OTOF: variants seen among roughly 807,000 people sequenced by gnomAD.
OTOF encodes otoferlin.
In OTOF, 218 loss-of-function variants were observed where a neutral mutation model predicts 236.8. The ratio of observed to expected loss-of-function variants is 0.92; its 90% CI spans 0.82 to 1.03. The LOEUF (loss-of-function observed/expected upper bound fraction) is 1.03. OTOF is among the 50% of genes least tolerant of loss of function. OTOF has a pLI of 0.00. For synonymous variants in OTOF, 1,041 were observed against 1,072.5 expected (o/e 0.97, Z 0.57); for missense variants, 2,590 against 2,694.4 (o/e 0.96, Z 0.86).
intron 23 of OTOF, 45 bp from the exon 24 acceptor site, chr2:26,476,083 C>T (rs374888250): frequency 2.3e-5 from 37 of 1,611,578 alleles, no homozygotes; most frequent in African/African-American, 2.1e-4. Flanking sequence ...GCAGCCCCTC[C>T]GGCCCCCTCC....
chr2:26,497,089 CTTTTTTTTTTTTTTTTT>C (rs201349303), intron 8 of OTOF, among the ~76,000 whole-genome samples: 8 of 97,772 alleles, frequency 8.2e-5, no homozygotes, highest in Admixed American at 2.9e-4. Flanking sequence ...GTACATTCTT[CTTTTTTTTTTTTTTTTT>C]TTTTTTTTTT....
chr2:26,514,090 C>T (rs56342346), intron 5 of OTOF, among the ~76,000 whole-genome samples: 13,052 of 152,310 alleles, frequency 0.086, 1,273 homozygotes, highest in African/African-American at 0.24. Context: ...TTTTTCTCAA[C>T]CCCTCTTTTC....
chr2:26,461,652 C>T lies in OTOF; in HGVS notation c.5533+44G>A. 6.2e-7 allele frequency: 1 copy of T among 1,611,258 alleles called. No individual in the cohort carries two copies. The highest frequency in any genetic ancestry group is 8.5e-7 in the Non-Finnish European group (1 of 1,179,908). ...CCCGCCAACCCGGCCCCTGCCTCTTCTCAGTTCTGGATCCTGAACCCCCAT... is the reference window on the plus strand; with the variant it reads ...CCCGCCAACCCGGCCCCTGCCTCTTTTCAGTTCTGGATCCTGAACCCCCAT... On this transcript the variant is annotated intron_variant, in intron 43 of 46. Transcript: ENST00000272371. The surrounding 1 kb of genome is among the most constrained non-coding windows in gnomAD (Gnocchi z 6.2).
rs773331735 is a variant in OTOF, at chr2:26,479,585, C to T, written c.1981G>A (p.Asp661Asn). 3.1e-6 allele frequency: 5 copies of T among 1,612,714 alleles called. No individual in the cohort carries two copies. Among genetic ancestry groups the T allele is most frequent in the East Asian group, 4.5e-5 (2 of 44,850 alleles). ...QRPRPRKEPG[D>N]EEEVDLIQNA... ...TGAATCAGGTCTACTTCTTCCTCAT[C>T]CCCCGGCTCCTTCCGGGGCCGAGGC... The change falls in exon 17 of 47, where the codon GAT becomes AAT. Residue 661 changes from aspartate to asparagine, a missense_variant. Asp to Asn is a conservative substitution (Grantham distance 23). Around this residue, in one of 2 missense-constraint regions of OTOF, gnomAD observed 1,379 missense variants for 1,341.6 expected, o/e 1.03. Transcript: ENST00000272371.
rs543474263 is a variant in OTOF, at chr2:26,555,556, G to C, written c.79+2937C>G. 9.2e-5 allele frequency among the ~76,000 whole-genome samples: 14 copies of C among 152,340 alleles called. No individual in the cohort carries two copies. In the South Asian group the frequency reaches 2.9e-3, roughly 32 times the overall value. On this transcript the variant is annotated intron_variant, in intron 1 of 46. Coordinates refer to ENST00000272371, the MANE Select transcript of OTOF (RefSeq NM_194248.3). ...CGAGGGGCCGACTGGCCTGAGGGCA[G>C]TGGGAAAAGAGGTGGCCACGGGCAA...
intron 38 of OTOF, among the ~76,000 whole-genome samples, chr2:26,465,296 G>A (rs931536082): frequency 2.6e-5 from 4 of 152,134 alleles, no homozygotes; most frequent in African/African-American, 9.7e-5. Context: ...TGGAACCTCA[G>A]AGACTCCCAT....
intron 1 of OTOF, among the ~76,000 whole-genome samples, chr2:26,550,194 G>A (rs766894647): frequency 4.6e-5 from 7 of 151,992 alleles, no homozygotes; most frequent in Non-Finnish European, 8.8e-5. Flanking sequence ...AAATAGAAAC[G>A]AGGACTGTTG....
At chr2:26,544,556 A>G (rs146137880) in intron 1 of OTOF, among the ~76,000 whole-genome samples, 1 of 152,212 alleles carries the variant, frequency 6.6e-6, no homozygotes, top group Admixed American at 6.5e-5. Context: ...TTGCATGCCT[A>G]TACCACAACT....
In OTOF at chr2:26,471,208, G is replaced by A; in HGVS notation, c.3865-58C>T. The A allele has an allele frequency of 1.9e-6, 3 of 1,585,588 alleles. No individual in the cohort carries two copies. In the South Asian group the frequency reaches 3.3e-5, roughly 18 times the overall value. On this transcript the variant is annotated intron_variant, in intron 30 of 46. Coordinates refer to ENST00000272371, the MANE Select transcript of OTOF (RefSeq NM_194248.3). ...CAGCCACTGGGGCCTGGAGTGGCAGGCAGTGGCCTAGCACAGGGTGTGTGG... is the reference window on the plus strand; with the variant it reads ...CAGCCACTGGGGCCTGGAGTGGCAGACAGTGGCCTAGCACAGGGTGTGTGG...
chr2:26,556,760 A>G (rs1170360694), intron 1 of OTOF, among the ~76,000 whole-genome samples: 3 of 152,028 alleles, frequency 2.0e-5, no homozygotes, highest in Non-Finnish European at 4.4e-5. Context: ...GCAGTGTTCT[A>G]CCCCTGAACC....
chr2:26,483,029 G>A (rs1665601100), intron 13 of OTOF, among the ~76,000 whole-genome samples: 1 of 150,680 alleles, frequency 6.6e-6, no homozygotes, highest in Admixed American at 6.6e-5. Flanking sequence ...GTGTGTGCGT[G>A]TGTGAGTGGG....
chr2:26,463,362 C>A (rs751870296), intron 41 of OTOF, 121 bp downstream of exon 41: 24 of 812,840 alleles, frequency 3.0e-5, no homozygotes, highest in Non-Finnish European at 4.2e-5. Context: ...CACCCAGGCC[C>A]CAGGGATGCC....
chr2:26,543,004 A>C (rs1667244207), intron 1 of OTOF, among the ~76,000 whole-genome samples: 1 of 152,170 alleles, frequency 6.6e-6, no homozygotes, highest in South Asian at 2.1e-4. Flanking sequence ...TCCTTGTGTT[A>C]TTTAAAATCA....
chr2:26,498,281 G>T (rs1666037541), intron 8 of OTOF, among the ~76,000 whole-genome samples: 1 of 152,220 alleles, frequency 6.6e-6, no homozygotes, highest in African/African-American at 2.4e-5. Flanking sequence ...GCTTGAAGGA[G>T]CAACGGAGGG....
intron 2 of OTOF, among the ~76,000 whole-genome samples, chr2:26,532,522 C>T (rs1171234121): frequency 1.3e-5 from 2 of 152,204 alleles, no homozygotes; most frequent in South Asian, 2.1e-4. Flanking sequence ...CTGTGCAGAA[C>T]GCAGGGATGC....
At chr2:26,533,065 G>A (rs965488360) in intron 2 of OTOF, among the ~76,000 whole-genome samples, 2 of 152,170 alleles carry the variant, frequency 1.3e-5, no homozygotes, top group African/African-American at 2.4e-5. Flanking sequence ...GCGGGTGAGC[G>A]AGCATTCCCG....
rs141157381 is a variant in OTOF at position 26,467,399 on chromosome 2, G to A, written c.4193C>T (p.Pro1398Leu). Residue 1398 changes from proline to leucine, a missense_variant, in exon 34 of 47, where the codon CCC (proline) becomes CTC (leucine). By Grantham distance (98) the Pro-to-Leu change is moderately conservative. Transcript: ENST00000272371. ...SSGSGQGSEA[P>L]EKKKPKIDEL... is the part of the protein sequence containing the mutation. ...ATCAATCTTGGGTTTCTTCTTCTCGGGGGCCTCGGACCCCTGGCCAGAGCC... is the reference window on the plus strand; with the variant it reads ...ATCAATCTTGGGTTTCTTCTTCTCGAGGGCCTCGGACCCCTGGCCAGAGCC... 1.9e-6 allele frequency: 3 copies of A among 1,613,820 alleles called. No individual in the cohort carries two copies. The highest frequency in any genetic ancestry group is 2.7e-5 in the African/African-American group (2 of 74,934).
At chr2:26,548,535 T>C (rs933314465) in intron 1 of OTOF, among the ~76,000 whole-genome samples, 2 of 152,154 alleles carry the variant, frequency 1.3e-5, no homozygotes, top group Non-Finnish European at 2.9e-5. Flanking sequence ...TCTGTATGGA[T>C]TTGCCTGTTC....
At chr2:26,504,348 G>T (rs937902497) in intron 5 of OTOF, among the ~76,000 whole-genome samples, 1 of 152,166 alleles carries the variant, frequency 6.6e-6, no homozygotes, top group Non-Finnish European at 1.5e-5. Flanking sequence ...CCGATGAGGA[G>T]ATGGGAGATG....
Sources: allele counts gnomAD v4.1 joint callset (sites outside exome capture counted in the v4.1 genomes callset), GRCh38; gene constraint gnomAD v4.1.1; regional missense constraint gnomAD v4.1.1; non-coding constraint Gnocchi (gnomAD v3.1); transcripts MANE v1.5; gene names NCBI Gene and HGNC (gene_info 2026-07-23, HGNC 2026-07-21).